The following MEGF6 variants were observed in gnomAD, a reference collection of about 807,000 sequenced individuals.
MEGF6 encodes multiple EGF like domains 6.
MEGF6 carries 184 observed loss-of-function variants against 207.1 expected under a neutral mutation model. The observed-to-expected ratio is 0.89, with a 90% CI of 0.79 to 1.00. The LOEUF is 1.00. Among genes scored for constraint, MEGF6 ranks in the 50% least tolerant of loss-of-function variants. The probability of loss-of-function intolerance (pLI) is 0.00; values close to 1 mark genes in which losing one functional copy is unlikely to be tolerated. For missense variants in MEGF6, 2,282 were observed against 2,202.9 expected (o/e 1.04, Z -0.72); for synonymous variants, 1,038 against 910.0 (o/e 1.14, Z -2.53).
chr1:3,546,319 G>A (rs1033308300), intron 4 of MEGF6, among the ~76,000 whole-genome samples: 6 of 152,234 alleles, frequency 3.9e-5, no homozygotes, highest in African/African-American at 1.2e-4. Flanking sequence ...CTTAGAGCTC[G>A]CAAACGCTTC....
chr1:3,494,103 C>T lies in MEGF6; in HGVS notation c.4151G>A (p.Gly1384Glu). The change falls in exon 33 of 37, where the codon GGG (glycine) becomes GAG (glutamate). Residue 1384 changes from glycine (G) to glutamate (E), a missense_variant. Coordinates refer to ENST00000356575, the MANE Select transcript of MEGF6 (RefSeq NM_001409.4). The stretch of plus-strand genomic sequence containing the variant: ...CCAGCACAACCCCTGGCAGCCAGCC[C>T]CGTGGAAGCCAGGGGGACAGGCTGA... ...CEHPCPPGFH[G>E]AGCQGLCWCQ... 2.5e-6 allele frequency: 4 copies of T among 1,578,394 alleles called. No homozygotes were observed. Among genetic ancestry groups the T allele is most frequent in the Non-Finnish European group, 3.4e-6 (4 of 1,161,122 alleles).
intron 1 of MEGF6, among the ~76,000 whole-genome samples, chr1:3,609,715 C>T (rs1430365571): frequency 1.3e-5 from 2 of 152,180 alleles, no homozygotes; most frequent in African/African-American, 2.4e-5. Flanking sequence ...AAGGACCTCC[C>T]GAGCCCAGGT....
At chr1:3,530,834 C>T (rs866977502) in intron 4 of MEGF6, among the ~76,000 whole-genome samples, 46 of 152,288 alleles carry the variant, frequency 3.0e-4, no homozygotes, top group African/African-American at 1.1e-3. Flanking sequence ...TTCTTTCCTC[C>T]GGTCAAGGGA....
At position 3,511,543 on chromosome 1, in the gene MEGF6, T is replaced by C; in HGVS notation, c.1114+7A>G. 6.2e-7 allele frequency: 1 copy of C among 1,601,478 alleles called. No homozygotes were observed. ...GGTGCAGGCATCTGGGAGGAGCCAG[T>C]GCGCACCGATGCAGGTCCTCTGATC... On this transcript the variant is annotated splice_region_variant and intron_variant, in intron 9 of 36. Coordinates refer to ENST00000356575, the MANE Select transcript of MEGF6 (RefSeq NM_001409.4).
intron 4 of MEGF6, among the ~76,000 whole-genome samples, chr1:3,567,743 C>T (rs1192619585): frequency 3.9e-5 from 6 of 152,320 alleles, no homozygotes; most frequent in Admixed American, 2.0e-4. Flanking sequence ...GGGCCTGGGA[C>T]GCTGCAGCGA....
chr1:3,505,291 G>A lies in MEGF6; in HGVS notation c.2105C>T (p.Pro702Leu), dbSNP rs1641061907. 1.2e-6 allele frequency: 2 copies of A among 1,612,188 alleles called. No individual in the cohort carries two copies. The highest frequency in any genetic ancestry group is 2.2e-5 in the East Asian group (1 of 44,866). Residue 702 changes from proline to leucine, a missense_variant, in exon 17 of 37, where the codon CCA becomes CTA. Coordinates refer to ENST00000356575, the MANE Select transcript of MEGF6 (RefSeq NM_001409.4). ...CACGGAGTCACAGGCCACGCCCACT[G>A]GGCAGGTGCATGCCTGCCAGCACCC... ...GPGCWQACTCPVGVACDSVSG... is the reference protein window; with the variant it reads ...GPGCWQACTCLVGVACDSVSG...
intron 4 of MEGF6, among the ~76,000 whole-genome samples, chr1:3,550,719 C>T (rs1329007345): frequency 1.3e-5 from 2 of 152,248 alleles, no homozygotes; most frequent in Non-Finnish European, 2.9e-5. Context: ...AAGTGCCCAG[C>T]AGCCACCCAA....
chr1:3,537,624 G>C (rs990321882), intron 4 of MEGF6, among the ~76,000 whole-genome samples: 18 of 152,372 alleles, frequency 1.2e-4, no homozygotes, highest in African/African-American at 4.3e-4. Flanking sequence ...CGGAAGGCGG[G>C]AGAAGGCGGG....
Position 3,512,136 on chromosome 1 carries a change from GGA to G in MEGF6, c.854-10_854-9del, listed in dbSNP as rs1170243794. 6.3e-7 allele frequency: 1 copy of G among 1,598,060 alleles called. No individual in the cohort carries two copies. The highest frequency in any genetic ancestry group is 1.7e-5 in the Admixed American group (1 of 59,334). On this transcript the variant is annotated splice_polypyrimidine_tract_variant and intron_variant, in intron 7 of 36. Transcript: ENST00000356575. ...CGGCACATTCGTCCACATCTGGAGG[GGA>G]GAGACCACAGGGAGGGCTCAGAGGT...
At position 3,580,991 on chromosome 1, in the gene MEGF6, G is replaced by A. The variant is rs115123463; in HGVS notation, c.377-1062C>T. Among the ~76,000 whole-genome samples the A allele has an allele frequency of 5.2e-3, 796 of 152,214 alleles. 8 individuals are homozygous for A. Among genetic ancestry groups the A allele is most frequent in the African/African-American group, 0.018 (763 of 41,520 alleles). ...CTCCTGGGATTCCCAGGCACAGGTC[G>A]TGTCAGCTGAGAGGAAGAAGGACAC... is the stretch of plus-strand genomic sequence containing the variant. On this transcript the variant is annotated intron_variant, in intron 3 of 36. Coordinates refer to ENST00000356575, the MANE Select transcript of MEGF6 (RefSeq NM_001409.4).
chr1:3,536,435 G>C (rs567957589), intron 4 of MEGF6, among the ~76,000 whole-genome samples: 67 of 152,198 alleles, frequency 4.4e-4, no homozygotes, highest in East Asian at 9.7e-4. Flanking sequence ...GAAGCTCTGG[G>C]GTGCGGAGGG....
Position 3,498,710 on chromosome 1 carries a change from C to T in MEGF6, c.3211G>A (p.Ala1071Thr). 2 of 1,567,738 alleles carry T rather than the reference C, an allele frequency of 1.3e-6. No homozygotes were observed. The highest frequency in any genetic ancestry group is 1.7e-6 in the Non-Finnish European group (2 of 1,159,446). Residue 1071 changes from alanine (A) to threonine (T), a missense_variant, in exon 25 of 37, where the codon GCC becomes ACC. Ala to Thr is a moderately conservative substitution (Grantham distance 58). Coordinates refer to ENST00000356575, the MANE Select transcript of MEGF6 (RefSeq NM_001409.4). ...GCCCAGCGCTCACCCTTCTCACAGG[C>T]CAGGCCGGCCCAGCCCTCTGGGCAC... Reference protein sequence around the residue: ...CACPEGWAGLACEKECLPRDV... With the variant: ...CACPEGWAGLTCEKECLPRDV...
intron 2 of MEGF6, among the ~76,000 whole-genome samples, chr1:3,598,502 TA>T (rs1367516842): frequency 1.3e-5 from 1 of 76,120 alleles, no homozygotes; most frequent in African/African-American, 3.3e-5. Context: ...GGTAAATATT[TA>T]TCCCCTCTCC....
At position 3,523,505 on chromosome 1, in the gene MEGF6, G is replaced by A. The variant is rs567511065; in HGVS notation, c.604+619C>T. Among the ~76,000 whole-genome samples, 5 of 152,184 alleles carry A rather than the reference G, an allele frequency of 3.3e-5. No individual in the cohort carries two copies. The East Asian group carries it at 5.8e-4, about 18-fold the overall frequency. Reference sequence around the variant, plus strand: ...CCCATTCCAATAGCCAAGAGACCCCGCAGAGGAAGCTGAGGGACAGGGTCC... The same window carrying A: ...CCCATTCCAATAGCCAAGAGACCCCACAGAGGAAGCTGAGGGACAGGGTCC... On this transcript the variant is annotated intron_variant, in intron 5 of 36. Transcript: ENST00000356575.
chr1:3,601,816 C>T (rs570150032), intron 2 of MEGF6, among the ~76,000 whole-genome samples: 6 of 152,368 alleles, frequency 3.9e-5, no homozygotes, highest in Non-Finnish European at 7.3e-5. Context: ...CCGCGTGGAC[C>T]CCATGCCCAA....
At chr1:3,536,974 C>T (rs570177718) in intron 4 of MEGF6, among the ~76,000 whole-genome samples, 2 of 152,276 alleles carry the variant, frequency 1.3e-5, no homozygotes, top group African/African-American at 2.4e-5. Context: ...GCGGCTCAGG[C>T]GCCTGGACAC....
At position 3,560,924 on chromosome 1, in the gene MEGF6, C is replaced by A; in HGVS notation, c.481+18901G>T. On this transcript the variant is annotated intron_variant, in intron 4 of 36. Coordinates refer to ENST00000356575, the MANE Select transcript of MEGF6 (RefSeq NM_001409.4). The surrounding 1 kb of genome is among the most constrained non-coding windows in gnomAD (Gnocchi z 4.0). Reference sequence around the variant, plus strand: ...CCCCCAGGCCTCTACTACCCTCTGGCACACATCCATCTAGTGCCCCAGGGG... The same window carrying A: ...CCCCCAGGCCTCTACTACCCTCTGGAACACATCCATCTAGTGCCCCAGGGG... 2.6e-6 allele frequency: 1 copy of A among 386,110 alleles called. No individual in the cohort carries two copies. The highest frequency in any genetic ancestry group is 5.2e-6 in the Non-Finnish European group (1 of 191,116). The allele number at this position is 386,110 out of a possible 1,614,324, so 23.9% of individuals were successfully genotyped here. A position where few individuals can be genotyped will look rare whatever the true frequency, so the allele number is the denominator to read the frequency against.
chr1:3,531,011 G>A, intron 4 of MEGF6: 6 of 1,419,382 alleles, frequency 4.2e-6, no homozygotes, highest in East Asian at 3.0e-5. Flanking sequence ...TTAAAAACAG[G>A]AAACAAAGGG....
chr1:3,579,805 C>A lies in MEGF6; in HGVS notation c.481+20G>T, dbSNP rs568337646. On this transcript the variant is annotated intron_variant, in intron 4 of 36. Coordinates refer to ENST00000356575, the MANE Select transcript of MEGF6 (RefSeq NM_001409.4). ...GGCTGGCCATGGCCAGGGCCTTGGT[C>A]CCCCAGGGGCTCCACTCACCATACT... is the stretch of plus-strand genomic sequence containing the variant. 1,188 of 1,451,230 alleles carry A rather than the reference C, an allele frequency of 8.2e-4. 13 individuals are homozygous for A. In the South Asian group the frequency reaches 0.012, roughly 14 times the overall value. The allele number at this position is 1,451,230 out of a possible 1,614,324, so 89.9% of individuals were successfully genotyped here.
Sources: allele counts gnomAD v4.1 joint callset (sites outside exome capture counted in the v4.1 genomes callset), GRCh38; gene constraint gnomAD v4.1.1; non-coding constraint Gnocchi (gnomAD v3.1); transcripts MANE v1.5; gene names NCBI Gene and HGNC (gene_info 2026-07-23, HGNC 2026-07-21).